The following PDZRN4 variants were observed in gnomAD, a reference collection of about 807,000 sequenced individuals.
PDZRN4 encodes PDZ domain-containing RING finger protein 4.
In PDZRN4, 70 loss-of-function variants were observed where a neutral mutation model predicts 99.0. The observed-to-expected ratio is 0.71, with a 90% CI of 0.58 to 0.86. The LOEUF is 0.86. Among genes scored for constraint, PDZRN4 ranks in the 40% least tolerant of loss-of-function variants. The pLI, the probability that PDZRN4 is intolerant of heterozygous loss-of-function variation, is 0.00. For synonymous variants in PDZRN4, 551 were observed against 501.6 expected, an observed-to-expected ratio of 1.10 and a Z score of -1.32; for missense variants, 1,474 against 1,331.2, an observed-to-expected ratio of 1.11 and a Z score of -1.67.
chr12:41,514,661 TTCCCATTGGTGTCTGCATGGA>T (rs1938369046), intron 5 of PDZRN4, among the ~76,000 whole-genome samples: 1 of 152,028 alleles, frequency 6.6e-6, no homozygotes, highest in Non-Finnish European at 1.5e-5. Flanking sequence ...TAAATGAGGG[TTCCCATTGGTGTCTGCATGGA>T]CCAACTTCTG....
At chr12:41,297,529 T>C (rs1458705317) in intron 3 of PDZRN4, among the ~76,000 whole-genome samples, 1 of 152,186 alleles carries the variant, frequency 6.6e-6, no homozygotes, top group Non-Finnish European at 1.5e-5. Flanking sequence ...TATTTTGAAC[T>C]AGTTCTGACA....
chr12:41,552,599 T>C, intron 5 of PDZRN4, 57 bp from the exon 6 acceptor site: 1 of 1,329,256 alleles, frequency 7.5e-7, no homozygotes, highest in Non-Finnish European at 1.1e-6. Context: ...GAGTTCTCCA[T>C]TCTGTTGCAG....
chr12:41,535,170 C>T (rs1320978895), intron 5 of PDZRN4, among the ~76,000 whole-genome samples: 1 of 152,176 alleles, frequency 6.6e-6, no homozygotes, highest in Non-Finnish European at 1.5e-5. Flanking sequence ...TGTTAAATCT[C>T]TGTATATTTC....
At chr12:41,519,444 C>T (rs1296345241) in intron 5 of PDZRN4, among the ~76,000 whole-genome samples, 1 of 152,044 alleles carries the variant, frequency 6.6e-6, no homozygotes, top group Non-Finnish European at 1.5e-5. Context: ...ACAAAATGTT[C>T]TCAGTTGAGC....
At chr12:41,356,131 T>G (rs1300119316) in intron 3 of PDZRN4, among the ~76,000 whole-genome samples, 1 of 152,020 alleles carries the variant, frequency 6.6e-6, no homozygotes, top group East Asian at 1.9e-4. Flanking sequence ...GACCAAGATG[T>G]AAGAATAAAC....
intron 5 of PDZRN4, among the ~76,000 whole-genome samples, chr12:41,520,022 G>T (rs542852967): frequency 1.4e-4 from 22 of 152,186 alleles, no homozygotes; most frequent in African/African-American, 5.3e-4. Context: ...GTTCCCCAGG[G>T]ATGACGTTTT....
chr12:41,564,596 G>T (rs1038314231), intron 8 of PDZRN4, among the ~76,000 whole-genome samples: 3 of 152,108 alleles, frequency 2.0e-5, no homozygotes, highest in Admixed American at 2.0e-4. Flanking sequence ...CTTGAATATA[G>T]TGGTTATAAA....
At chr12:41,421,516 C>T (rs979696591) in intron 3 of PDZRN4, among the ~76,000 whole-genome samples, 1 of 152,016 alleles carries the variant, frequency 6.6e-6, no homozygotes, top group African/African-American at 2.4e-5. Flanking sequence ...TTGTTTAGGA[C>T]TCTTGGAATG....
At chr12:41,493,914 T>G (rs2120637458) in intron 3 of PDZRN4, among the ~76,000 whole-genome samples, 1 of 151,066 alleles carries the variant, frequency 6.6e-6, no homozygotes, top group South Asian at 2.1e-4. Context: ...GGGGGGGGAT[T>G]CTCTTTACCG....
At chr12:41,371,515 A>C (rs1952041509) in intron 3 of PDZRN4, among the ~76,000 whole-genome samples, 1 of 152,078 alleles carries the variant, frequency 6.6e-6, no homozygotes, top group Non-Finnish European at 1.5e-5. Context: ...ATTTGAGACC[A>C]AGGCATTAAA....
intron 3 of PDZRN4, among the ~76,000 whole-genome samples, chr12:41,489,839 A>G (rs551199931): frequency 6.6e-5 from 10 of 152,298 alleles, no homozygotes; most frequent in Non-Finnish European, 1.3e-4. Flanking sequence ...TCTGGTTTCT[A>G]TTAATACTCA....
chr12:41,327,812 CTGTG>C (rs150017109), intron 3 of PDZRN4, among the ~76,000 whole-genome samples: 1 of 151,022 alleles, frequency 6.6e-6, no homozygotes, highest in Non-Finnish European at 1.5e-5. Flanking sequence ...ATGTGTGTGT[CTGTG>C]TGTGTGTGTG....
chr12:41,188,966 G>C lies in PDZRN4; in HGVS notation c.511G>C (p.Glu171Gln). The C allele has an allele frequency of 6.8e-7, 1 of 1,467,278 alleles. No homozygotes were observed. Among genetic ancestry groups the C allele is most frequent in the South Asian group, 1.3e-5 (1 of 78,382 alleles). The allele number at this position is 1,467,278 out of a possible 1,614,324, so 90.9% of individuals were successfully genotyped here. ...GPRVLAWRRR[E>Q]KALLAQLWAL... is the part of the protein sequence containing the mutation. The stretch of plus-strand genomic sequence containing the variant: ...TCGGGTCCTCGCCTGGAGGCGGCGC[G>C]AGAAGGCGCTGCTGGCGCAGCTCTG... The change falls in exon 1 of 10, where the codon GAG becomes CAG. Residue 171 changes from glutamate to glutamine, a missense_variant. Physicochemically the swap from Glu to Gln is conservative, Grantham distance 29. Coordinates refer to ENST00000402685, the MANE Select transcript of PDZRN4 (RefSeq NM_001164595.2).
intron 3 of PDZRN4, among the ~76,000 whole-genome samples, chr12:41,349,651 T>C (rs1951877492): frequency 1.3e-5 from 2 of 152,144 alleles, no homozygotes; most frequent in South Asian, 4.1e-4. Context: ...TCGACATCTA[T>C]TGACTTCCTA....
chr12:41,545,217 A>C (rs1423140618), intron 5 of PDZRN4, among the ~76,000 whole-genome samples: 2 of 152,146 alleles, frequency 1.3e-5, no homozygotes, highest in African/African-American at 2.4e-5. Context: ...GCCTTTGCCT[A>C]CCTCTGCAGT....
chr12:41,554,193 G>A (rs1331708252), intron 6 of PDZRN4, among the ~76,000 whole-genome samples: 2 of 152,192 alleles, frequency 1.3e-5, no homozygotes, highest in African/African-American at 4.8e-5. Flanking sequence ...CTTGTAATAT[G>A]TACAGAGATA....
chr12:41,255,381 T>G (rs1422305534), intron 3 of PDZRN4, among the ~76,000 whole-genome samples: 1 of 152,234 alleles, frequency 6.6e-6, no homozygotes, highest in Non-Finnish European at 1.5e-5. Flanking sequence ...CATGGCCTGC[T>G]GGTGAATCCA....
chr12:41,424,922 C>T (rs772756378), intron 3 of PDZRN4, among the ~76,000 whole-genome samples: 10 of 152,110 alleles, frequency 6.6e-5, no homozygotes, highest in Non-Finnish European at 1.5e-4. Context: ...CACAGCTTGT[C>T]ATATCACCCC....
chr12:41,564,479 C>G (rs1939328955), intron 8 of PDZRN4, among the ~76,000 whole-genome samples: 1 of 152,116 alleles, frequency 6.6e-6, no homozygotes. Context: ...AGTTATATCG[C>G]CATTTGTCTC....
Sources: gnomAD v4.1 joint callset for allele counts (sites outside exome capture counted in the v4.1 genomes callset) on GRCh38, gnomAD v4.1.1 for gene constraint, MANE v1.5 for transcripts, NCBI Gene and HGNC (gene_info 2026-07-23, HGNC 2026-07-21) for gene names.